The following RAP1GAP variants were observed in gnomAD, a reference collection of about 807,000 sequenced individuals.
The protein encoded by RAP1GAP is rap1 GTPase-activating protein 1.
In RAP1GAP, 35 loss-of-function variants were observed where a neutral mutation model predicts 87.2. The ratio of observed to expected loss-of-function variants is 0.40; its 90% confidence interval spans 0.31 to 0.53. RAP1GAP has a LOEUF of 0.53. RAP1GAP is among the 20% of genes least tolerant of loss of function. RAP1GAP has a pLI of 0.48. For missense variants in RAP1GAP, 734 were observed against 898.9 expected, an observed-to-expected ratio of 0.82 and a Z score of 2.35; for synonymous variants, 375 against 363.9, an observed-to-expected ratio of 1.03 and a Z score of -0.35.
intron 22 of RAP1GAP, 38 bp from the exon 23 acceptor site, chr1:21,598,102 G>A (rs770497666): frequency 2.1e-5 from 28 of 1,348,662 alleles, no homozygotes; most frequent in Middle Eastern, 2.6e-4. Context: ...CTCACTGGCC[G>A]CGGGGAGGCA....
At chr1:21,601,144 G>C (rs1305944342) in intron 20 of RAP1GAP, among the ~76,000 whole-genome samples, 4 of 151,502 alleles carry the variant, frequency 2.6e-5, no homozygotes. Context: ...TCATCCTCCT[G>C]CTTCAGCCTC....
In RAP1GAP at chr1:21,611,795, T is replaced by C. The variant is rs1029010607; in HGVS notation, c.634A>G (p.Ser212Gly). ...LGQTSEEELF[S>G]TNEESPAFVE... Reference sequence around the variant, plus strand: ...AAAGCGGGACTTTCCTCATTGGTGCTGAAGAGTTCTTCCTCGGAGGTCTGG... The same window carrying C: ...AAAGCGGGACTTTCCTCATTGGTGCCGAAGAGTTCTTCCTCGGAGGTCTGG... The change falls in exon 12 of 25, where the codon AGC (serine) becomes GGC (glycine). Residue 212 changes from serine to glycine, a missense_variant. Ser to Gly is a moderately conservative substitution (Grantham distance 56). Around this residue, in one of 2 missense-constraint regions of RAP1GAP, gnomAD observed 485 missense variants for 646.2 expected, o/e 0.75. Coordinates refer to ENST00000374765, the MANE Select transcript of RAP1GAP (RefSeq NM_002885.4). The C allele has an allele frequency of 1.2e-6, 2 of 1,613,510 alleles. No homozygotes were observed. Among genetic ancestry groups the C allele is most frequent in the African/African-American group, 2.7e-5 (2 of 74,934 alleles).
In RAP1GAP at chr1:21,617,930, G is replaced by A; in HGVS notation, c.105+4C>T. 6.2e-7 allele frequency: 1 copy of A among 1,614,132 alleles called. No individual in the cohort carries two copies. Among genetic ancestry groups the A allele is most frequent in the Admixed American group, 1.7e-5 (1 of 60,030 alleles). On this transcript the variant is annotated splice_donor_region_variant and intron_variant, in intron 6 of 24. Coordinates refer to ENST00000374765, the MANE Select transcript of RAP1GAP (RefSeq NM_002885.4). Reference sequence around the variant, plus strand: ...AGGGTGGGCGCGGGGTTCTAGCTGAGTACCTCGTGCACGCTCGGGTATGGA... The same window carrying A: ...AGGGTGGGCGCGGGGTTCTAGCTGAATACCTCGTGCACGCTCGGGTATGGA...
At chr1:21,658,480 A>C (rs1443085625) in intron 1 of RAP1GAP, among the ~76,000 whole-genome samples, 1 of 152,102 alleles carries the variant, frequency 6.6e-6, no homozygotes, top group African/African-American at 2.4e-5. Flanking sequence ...AGACAGGAGA[A>C]TTGCATGAAC....
intron 2 of RAP1GAP, among the ~76,000 whole-genome samples, chr1:21,644,966 G>A (rs866805811): frequency 2.0e-5 from 3 of 150,990 alleles, no homozygotes; most frequent in Middle Eastern, 3.5e-3. Context: ...ATCAGAGGTT[G>A]TTTCCTTGTC....
chr1:21,620,180 G>A (rs540571712), intron 3 of RAP1GAP, 130 bp from the exon 4 acceptor site: 13 of 877,720 alleles, frequency 1.5e-5, no homozygotes, highest in South Asian at 3.1e-5. Context: ...AGTAGCAAGC[G>A]GGAGTGACGG....
intron 1 of RAP1GAP, among the ~76,000 whole-genome samples, chr1:21,658,746 A>T (rs2096966913): frequency 6.6e-6 from 1 of 151,798 alleles, no homozygotes; most frequent in Non-Finnish European, 1.5e-5. Flanking sequence ...TTTAAATCTA[A>T]GGGTATATTT....
In RAP1GAP at chr1:21,619,027, T is replaced by G; in HGVS notation, c.64A>C (p.Lys22Gln). ...GGCAGACTGCCAGGCCCACCTACTT[T>G]GAGGGGCGGCGGGAAGGAGCAGCGT... is the stretch of plus-strand genomic sequence containing the variant. ...EQRCSFPPPL[K>Q]TEEDYIPYPS... The change falls in exon 5 of 25, where the codon AAA (lysine) becomes CAA (glutamine). Residue 22 changes from lysine (K) to glutamine (Q), a missense_variant and splice_region_variant. By Grantham distance (53) the Lys-to-Gln change is moderately conservative. Coordinates refer to ENST00000374765, the MANE Select transcript of RAP1GAP (RefSeq NM_002885.4). The G allele has an allele frequency of 6.3e-7, 1 of 1,598,734 alleles. No individual in the cohort carries two copies. Among genetic ancestry groups the G allele is most frequent in the South Asian group, 1.1e-5 (1 of 88,304 alleles).
rs147632747 is a variant in RAP1GAP, at chr1:21,607,015, C to T, written c.1297-818G>A. On this transcript the variant is annotated intron_variant, in intron 17 of 24. Transcript: ENST00000374765. ...CTCTTTCTCAAAGACGATCTGTTCA[C>T]CTCAGTTCCTGGGCAGGCCTGGGCA... Among the ~76,000 whole-genome samples the T allele has an allele frequency of 3.0e-4, 46 of 152,362 alleles. No individual in the cohort carries two copies. In the East Asian group the frequency reaches 8.9e-3, roughly 29 times the overall value.
chr1:21,626,856 G>C, intron 2 of RAP1GAP: 1 of 456,436 alleles, frequency 2.2e-6, no homozygotes, highest in Non-Finnish European at 4.4e-6. Flanking sequence ...ACGCTCATTG[G>C]GCCTACCACA....
chr1:21,609,133 T>G lies in RAP1GAP; in HGVS notation c.1072-197A>C, dbSNP rs1004449658. Among the ~76,000 whole-genome samples the G allele has an allele frequency of 1.3e-5, 2 of 152,160 alleles. No individual in the cohort carries two copies. The highest frequency in any genetic ancestry group is 4.8e-5 in the African/African-American group (2 of 41,428). ...TACCTTCAAGGGGCCCCAGTGCCCT[T>G]CATGGCTGCCCACGCCTTCGGGAGA... On this transcript the variant is annotated intron_variant, in intron 15 of 24. Coordinates refer to ENST00000374765, the MANE Select transcript of RAP1GAP (RefSeq NM_002885.4). This position sits in a 1 kb window ranked among gnomAD's most constrained non-coding sequence, Gnocchi z 4.4.
At position 21,599,605 on chromosome 1, in the gene RAP1GAP, T is replaced by C. The variant is rs1478564179; in HGVS notation, c.1665A>G (p.Ala555=). 1.2e-6 allele frequency: 2 copies of C among 1,606,198 alleles called. No homozygotes were observed. The highest frequency in any genetic ancestry group is 1.7e-6 in the Non-Finnish European group (2 of 1,179,824). The change falls in exon 21 of 25, where the codon GCA becomes GCG. Residue 555 remains alanine, a synonymous_variant. Transcript: ENST00000374765. ...CCTTGAGCGCCTCTGCTCTCTGCGC[T>C]GCGGTCTCCGCTCTGCCACAGACAG... The part of the protein sequence containing the change: ...MPTTKNRAET[A]AQRAEALKDF...
At position 21,651,581 on chromosome 1, in the gene RAP1GAP, CACAGA is replaced by C. The variant is rs745393531; in HGVS notation, c.-148-1790_-148-1786del. 3 of 694,908 alleles carry C rather than the reference CACAGA, an allele frequency of 4.3e-6. No individual in the cohort carries two copies. The Admixed American group carries it at 5.5e-5, about 13-fold the overall frequency. The allele number at this position is 694,908 out of a possible 1,614,324, so 43.0% of individuals were successfully genotyped here. ...GACACGCAATGGGAACACACACAGA[CACAGA>C]AACAGAAACACACACACACAGGCGC... On this transcript the variant is annotated intron_variant, in intron 1 of 24. Transcript: ENST00000374765.
chr1:21,606,257 A>G, intron 17 of RAP1GAP, 60 bp from the exon 18 acceptor site: 1 of 1,533,522 alleles, frequency 6.5e-7, no homozygotes, highest in Non-Finnish European at 8.8e-7. Flanking sequence ...CCCTTGGGGA[A>G]ACCCAGGAGC....
intron 7 of RAP1GAP, among the ~76,000 whole-genome samples, chr1:21,616,028 C>T (rs2081803065): frequency 2.0e-5 from 3 of 152,074 alleles, no homozygotes; most frequent in African/African-American, 7.3e-5. Context: ...GTGGATCCTC[C>T]CCTAACTCCA....
At chr1:21,645,592 C>T (rs911732721) in intron 2 of RAP1GAP, among the ~76,000 whole-genome samples, 3 of 152,216 alleles carry the variant, frequency 2.0e-5, no homozygotes, top group African/African-American at 4.8e-5. Context: ...AGTAGAACCC[C>T]CTCACCCTGG....
At chr1:21,602,170 C>T (rs1176431477) in intron 19 of RAP1GAP, among the ~76,000 whole-genome samples, 3 of 152,206 alleles carry the variant, frequency 2.0e-5, no homozygotes, top group South Asian at 2.1e-4. Context: ...TGCCCACTCC[C>T]GTCCTGGAGC....
At chr1:21,601,884 C>T (rs767400738) in intron 19 of RAP1GAP, 87 bp from the exon 20 acceptor site, 24 of 910,942 alleles carry the variant, frequency 2.6e-5, no homozygotes, top group Non-Finnish European at 3.6e-5. Context: ...AGGGGAGTCA[C>T]GGTGCCTCCT....
In RAP1GAP at chr1:21,603,870, G is replaced by A. The variant is rs377081140; in HGVS notation, c.1429-957C>T. 2.6e-5 allele frequency: 41 copies of A among 1,587,944 alleles called. No homozygotes were observed. Among genetic ancestry groups the A allele is most frequent in the African/African-American group, 4.0e-5 (3 of 74,516 alleles). On this transcript the variant is annotated intron_variant, in intron 18 of 24. Transcript: ENST00000374765. This position sits in a 1 kb window ranked among gnomAD's most constrained non-coding sequence, Gnocchi z 6.0. ...GTTCCTATGCCTATGGCACTGCCCC[G>A]GCGTCCGAATCTACTCGCACTTTTC...
Sources: allele counts gnomAD v4.1 joint callset (sites outside exome capture counted in the v4.1 genomes callset), GRCh38; gene constraint gnomAD v4.1.1; regional missense constraint gnomAD v4.1.1; non-coding constraint Gnocchi (gnomAD v3.1); transcripts MANE v1.5; gene names NCBI Gene and HGNC (gene_info 2026-07-23, HGNC 2026-07-21).